The following ERBB4 variants were observed in gnomAD, a reference collection of about 807,000 sequenced individuals.
ERBB4 encodes the protein receptor tyrosine-protein kinase erbB-4.
Under a neutral mutation model 158.0 loss-of-function variants are expected in ERBB4, and 42 were observed. The observed-to-expected ratio is 0.27, with a 90% CI of 0.21 to 0.34. ERBB4 has a LOEUF of 0.34. Ranked by LOEUF, ERBB4 falls within the 10% of genes least tolerant of loss-of-function variation. The pLI is 1.00. For synonymous variants in ERBB4, 583 were observed against 558.7 expected (o/e 1.04, Z -0.61); for missense variants, 1,333 against 1,624.1 (o/e 0.82, Z 3.08).
At chr2:211,532,577 A>G (rs1559267156) in intron 20 of ERBB4, among the ~76,000 whole-genome samples, 2 of 152,120 alleles carry the variant, frequency 1.3e-5, no homozygotes, top group Non-Finnish European at 2.9e-5. Flanking sequence ...CCTTAGTACC[A>G]TATTATGTCA....
chr2:211,630,394 C>T (rs2070060015), intron 17 of ERBB4, 68 bp downstream of exon 17: 5 of 1,574,790 alleles, frequency 3.2e-6, no homozygotes, highest in African/African-American at 1.4e-5. Context: ...AATAATTGAA[C>T]ATCATCTAAA....
At chr2:211,719,637 C>G (rs2074032194) in intron 7 of ERBB4, among the ~76,000 whole-genome samples, 2 of 152,094 alleles carry the variant, frequency 1.3e-5, no homozygotes, top group African/African-American at 4.8e-5. Flanking sequence ...GGGCTAATCA[C>G]AAGGTCAGGA....
intron 1 of ERBB4, among the ~76,000 whole-genome samples, chr2:212,412,611 A>G (rs1448158519): frequency 2.1e-4 from 32 of 152,194 alleles, no homozygotes. Flanking sequence ...TCCCAGTCTC[A>G]GGTATTCCTT....
At chr2:212,279,638 C>CT (rs1559912569) in intron 1 of ERBB4, among the ~76,000 whole-genome samples, 3 of 151,408 alleles carry the variant, frequency 2.0e-5, no homozygotes, top group African/African-American at 2.4e-5. Context: ...ATAGCTTTTG[C>CT]TTTTTTAATT....
intron 1 of ERBB4, among the ~76,000 whole-genome samples, chr2:212,169,255 A>G (rs1397068674): frequency 1.3e-5 from 2 of 152,134 alleles, no homozygotes; most frequent in African/African-American, 4.8e-5. Context: ...CCTCACAAAG[A>G]AGAAAAATCT....
chr2:211,730,675 G>C (rs1234289443), intron 5 of ERBB4, among the ~76,000 whole-genome samples: 1 of 151,976 alleles, frequency 6.6e-6, no homozygotes, highest in Non-Finnish European at 1.5e-5. Flanking sequence ...AAGCTCCCAG[G>C]TAATGTCTCT....
chr2:212,496,429 T>C (rs1313099161), intron 1 of ERBB4, among the ~76,000 whole-genome samples: 1 of 152,182 alleles, frequency 6.6e-6, no homozygotes, highest in African/African-American at 2.4e-5. Context: ...CAAATATTAT[T>C]GTTGCTAATT....
intron 19 of ERBB4, among the ~76,000 whole-genome samples, chr2:211,566,877 T>A (rs773220057): frequency 8.5e-5 from 13 of 152,122 alleles, no homozygotes; most frequent in Non-Finnish European, 1.9e-4. Flanking sequence ...GTCACCTAGG[T>A]TTACAGTTAC....
chr2:212,241,570 A>G (rs910183947), intron 1 of ERBB4, among the ~76,000 whole-genome samples: 1 of 152,228 alleles, frequency 6.6e-6, no homozygotes, highest in African/African-American at 2.4e-5. Flanking sequence ...AGAAAGATGT[A>G]ACAAATTCCA....
At chr2:212,445,977 C>T (rs2092340354) in intron 1 of ERBB4, among the ~76,000 whole-genome samples, 1 of 152,178 alleles carries the variant, frequency 6.6e-6, no homozygotes, top group Non-Finnish European at 1.5e-5. Flanking sequence ...CATTTTATTT[C>T]CTTTTCCTTT....
intron 1 of ERBB4, among the ~76,000 whole-genome samples, chr2:212,463,577 T>C (rs1419173303): frequency 6.6e-6 from 1 of 152,038 alleles, no homozygotes; most frequent in Non-Finnish European, 1.5e-5. Context: ...TTAAACTTTA[T>C]TTATACCTGA....
At chr2:212,058,934 T>C (rs2125415098) in intron 2 of ERBB4, among the ~76,000 whole-genome samples, 1 of 152,338 alleles carries the variant, frequency 6.6e-6, no homozygotes, top group South Asian at 2.1e-4. Context: ...TTGGAAGTTC[T>C]GGCCAGGGCA....
intron 1 of ERBB4, among the ~76,000 whole-genome samples, chr2:212,444,698 G>A (rs988414340): frequency 6.6e-6 from 1 of 152,150 alleles, no homozygotes; most frequent in African/African-American, 2.4e-5. Flanking sequence ...TGGAGGTTAT[G>A]CATGGGCTCA....
chr2:211,917,721 C>T (rs779318263), intron 3 of ERBB4, among the ~76,000 whole-genome samples: 9 of 151,964 alleles, frequency 5.9e-5, no homozygotes, highest in Admixed American at 1.3e-4. Flanking sequence ...GACCAGGAGC[C>T]GTAATAAAGA....
intron 3 of ERBB4, among the ~76,000 whole-genome samples, chr2:211,840,316 G>C (rs2077442644): frequency 6.6e-6 from 1 of 151,846 alleles, no homozygotes; most frequent in Non-Finnish European, 1.5e-5. Flanking sequence ...ATGATTGTGA[G>C]GTCTCTCCAG....
At chr2:212,424,548 C>A (rs145768958) in intron 1 of ERBB4, among the ~76,000 whole-genome samples, 1 of 152,018 alleles carries the variant, frequency 6.6e-6, no homozygotes, top group Non-Finnish European at 1.5e-5. Context: ...TTTTCTAACA[C>A]GTATTTTTAC....
intron 5 of ERBB4, 35 bp downstream of exon 5, chr2:211,750,603 CA>C (rs1559484832): frequency 1.3e-6 from 2 of 1,575,160 alleles, no homozygotes; most frequent in South Asian, 2.2e-5. Context: ...TCCTTGACCA[CA>C]TCAAACCTGT....
intron 1 of ERBB4, among the ~76,000 whole-genome samples, chr2:212,226,184 C>A (rs991236192): frequency 2.6e-5 from 4 of 152,066 alleles, no homozygotes; most frequent in Non-Finnish European, 4.4e-5. Context: ...GTTTGGAGAG[C>A]AACCCCAGGC....
chr2:211,899,989 C>G (rs1161235784), intron 3 of ERBB4, among the ~76,000 whole-genome samples: 1 of 151,956 alleles, frequency 6.6e-6, no homozygotes, highest in Non-Finnish European at 1.5e-5. Context: ...TCTTGAGCAC[C>G]CCTCCTGTTA....
Sources: gnomAD v4.1 joint callset for allele counts (sites outside exome capture counted in the v4.1 genomes callset) on GRCh38, gnomAD v4.1.1 for gene constraint, MANE v1.5 for transcripts, NCBI Gene and HGNC (gene_info 2026-07-23, HGNC 2026-07-21) for gene names.